Variants in ZNF215 observed in about 807,000 individuals in gnomAD.
The protein encoded by ZNF215 is BWSCR2-associated zinc finger protein 2.
ZNF215 carries 24 observed loss-of-function variants against 27.2 expected under a neutral mutation model. The observed-to-expected ratio is 0.88, with a 90% CI of 0.64 to 1.24. ZNF215 has a LOEUF of 1.24. Ranked by LOEUF, ZNF215 falls within the 50% of genes most tolerant of loss-of-function variation. ZNF215 has a pLI of 0.00. For missense variants in ZNF215, 675 were observed against 605.7 expected (o/e 1.11, Z -1.20); for synonymous variants, 210 against 204.0 (o/e 1.03, Z -0.25).
At chr11:6,990,732 C>T (rs1481403145), downstream of ZNF215, among the ~76,000 whole-genome samples, 2 of 152,090 alleles carry the variant, frequency 1.3e-5, no homozygotes, top group Non-Finnish European at 2.9e-5. Context: ...TTGTCAATTC[C>T]AGATCCCCAA....
intron 6 of ZNF215, among the ~76,000 whole-genome samples, chr11:6,948,074 A>G (rs781567385): frequency 6.6e-6 from 1 of 152,166 alleles, no homozygotes; most frequent in Non-Finnish European, 1.5e-5. Context: ...TGGCTTAGCA[A>G]TCATTGGATC....
chr11:6,950,906 C>T (rs1285949091), intron 6 of ZNF215, among the ~76,000 whole-genome samples: 5 of 152,016 alleles, frequency 3.3e-5, no homozygotes, highest in African/African-American at 1.2e-4. Flanking sequence ...AGATACGTCC[C>T]ATCAATACCT....
chr11:6,994,319 A>C (rs373409098), intron 6 of ZNF215, among the ~76,000 whole-genome samples: 47 of 152,210 alleles, frequency 3.1e-4, no homozygotes, highest in African/African-American at 1.1e-3. Flanking sequence ...GTGAATCATG[A>C]ACTTTTCTAT....
In ZNF215 at chr11:6,932,778, C is replaced by T. The variant is rs567075422; in HGVS notation, c.400+106C>T. On this transcript the variant is annotated intron_variant, in intron 3 of 6. Transcript: ENST00000278319. ...GTATCAAGTGCCAGATCTTGAAGGA[C>T]TTTATATTACTCTATTAGGAAGCCT... 1.1e-5 allele frequency: 11 copies of T among 1,024,966 alleles called. No homozygotes were observed. The South Asian group carries it at 1.9e-4, about 18-fold the overall frequency. 63.5% of individuals were successfully genotyped at this position (1,024,966 alleles called of 1,614,324 possible). A position where few individuals can be genotyped will look rare whatever the true frequency, so the allele number is the denominator to read the frequency against.
intron 5 of ZNF215, among the ~76,000 whole-genome samples, chr11:6,964,681 G>T (rs1850581816): frequency 6.7e-6 from 1 of 148,720 alleles, no homozygotes; most frequent in African/African-American, 2.5e-5. Flanking sequence ...AGTCTTCTTA[G>T]GTCTTTTTTT....
At chr11:6,941,454 T>A (rs1182501752) in intron 3 of ZNF215, 117 bp from the exon 4 acceptor site, 1 of 844,476 alleles carries the variant, frequency 1.2e-6, no homozygotes, top group African/African-American at 1.7e-5. Flanking sequence ...CCTGACATTA[T>A]TTTTTTCAAA....
At chr11:6,975,362 C>G (rs1850809745) in intron 5 of ZNF215, among the ~76,000 whole-genome samples, 1 of 152,072 alleles carries the variant, frequency 6.6e-6, no homozygotes, top group Non-Finnish European at 1.5e-5. Flanking sequence ...TCCATCCCCT[C>G]AAGCATTTAT....
chr11:6,941,503 A>G (rs2133210752), intron 3 of ZNF215, 68 bp from the exon 4 acceptor site: 1 of 1,359,832 alleles, frequency 7.4e-7, no homozygotes, highest in Non-Finnish European at 1.0e-6. Flanking sequence ...TATTAAAACA[A>G]CTATAATTAT....
chr11:6,976,941 G>C (rs905930949), intron 5 of ZNF215, among the ~76,000 whole-genome samples: 1 of 151,952 alleles, frequency 6.6e-6, no homozygotes, highest in African/African-American at 2.4e-5. Flanking sequence ...TGGCAGCATC[G>C]TGCTGTCTCT....
chr11:6,983,085 G>T (rs10839673), intron 5 of ZNF215, among the ~76,000 whole-genome samples: 3 of 151,280 alleles, frequency 2.0e-5, no homozygotes, highest in Non-Finnish European at 4.4e-5. Flanking sequence ...TATCACCACC[G>T]ATTCCACAGA....
At chr11:6,934,612 A>G (rs181166895) in intron 3 of ZNF215, among the ~76,000 whole-genome samples, 1 of 152,178 alleles carries the variant, frequency 6.6e-6, no homozygotes, top group East Asian at 1.9e-4. Flanking sequence ...CATCTCTAAT[A>G]CTTTATTCTG....
intron 5 of ZNF215, among the ~76,000 whole-genome samples, chr11:6,981,295 T>C (rs1165094891): frequency 1.9e-4 from 29 of 149,308 alleles, no homozygotes; most frequent in Admixed American, 1.0e-3. Context: ...TTTTAATGAT[T>C]GCCATTCTAA....
chr11:6,927,100 C>T (rs1440079287), intron 1 of ZNF215, among the ~76,000 whole-genome samples: 2 of 151,860 alleles, frequency 1.3e-5, no homozygotes, highest in Non-Finnish European at 2.9e-5. Context: ...TTATGATCAG[C>T]TGGTTTGGGA....
chr11:6,966,927 A>C (rs1297867580), intron 5 of ZNF215, among the ~76,000 whole-genome samples: 1 of 151,982 alleles, frequency 6.6e-6, no homozygotes, highest in African/African-American at 2.4e-5. Context: ...CGTCATCTGC[A>C]TTAGGTATTT....
chr11:6,954,162 G>C (rs1344707336), intron 6 of ZNF215, among the ~76,000 whole-genome samples: 2 of 151,494 alleles, frequency 1.3e-5, no homozygotes, highest in East Asian at 3.9e-4. Flanking sequence ...GTGCCTGCCA[G>C]TTAGGCTGCT....
chr11:6,942,949 A>G, intron 4 of ZNF215, 134 bp from the exon 5 acceptor site: 1 of 1,345,818 alleles, frequency 7.4e-7, no homozygotes, highest in Admixed American at 2.4e-5. Flanking sequence ...TAGAACCTCA[A>G]ACATTGTCCT....
At chr11:6,955,076 TA>T (rs1315028777) in intron 6 of ZNF215, among the ~76,000 whole-genome samples, 1 of 152,112 alleles carries the variant, frequency 6.6e-6, no homozygotes, top group African/African-American at 2.4e-5. Context: ...AGTAGAAAAG[TA>T]CCAAAGCACT....
chr11:6,982,336 T>A (rs1469411610), intron 5 of ZNF215, among the ~76,000 whole-genome samples: 1 of 152,002 alleles, frequency 6.6e-6, no homozygotes, highest in Admixed American at 6.6e-5. Context: ...CTATCAACAT[T>A]AGACAGATCA....
chr11:6,979,330 T>TAAA (rs1242180071), intron 5 of ZNF215, among the ~76,000 whole-genome samples: 1 of 2,080 alleles, frequency 4.8e-4, no homozygotes, highest in African/African-American at 5.3e-4. Flanking sequence ...AATAACACAG[T>TAAA]AATAATAATA....
Sources: gnomAD v4.1 joint callset for allele counts (sites outside exome capture counted in the v4.1 genomes callset) on GRCh38, gnomAD v4.1.1 for gene constraint, MANE v1.5 for transcripts, NCBI Gene and HGNC (gene_info 2026-07-23, HGNC 2026-07-21) for gene names.